Variants in TASP1 observed in about 807,000 individuals in gnomAD.
TASP1 encodes the protein threonine aspartase 1.
TASP1 carries 16 observed loss-of-function variants against 56.6 expected under a neutral mutation model. That is an observed-to-expected ratio of 0.28 (90% CI 0.19 to 0.43). The LOEUF (loss-of-function observed/expected upper bound fraction) is 0.43, where lower values mean the gene tolerates loss of function less well. Among genes scored for constraint, TASP1 ranks in the 20% least tolerant of loss-of-function variants. TASP1 has a pLI of 1.00. For missense variants in TASP1, 393 were observed against 511.6 expected (o/e 0.77, Z 2.24); for synonymous variants, 179 against 184.2 (o/e 0.97, Z 0.23).
intron 10 of TASP1, among the ~76,000 whole-genome samples, chr20:13,496,348 C>T (rs2043728397): frequency 6.6e-6 from 1 of 152,126 alleles, no homozygotes; most frequent in Non-Finnish European, 1.5e-5. Context: ...AGCCACTGCG[C>T]CCGGTCTGAT....
chr20:13,504,927 CA>C (rs1269853530), intron 10 of TASP1, among the ~76,000 whole-genome samples: 1 of 151,798 alleles, frequency 6.6e-6, no homozygotes, highest in Non-Finnish European at 1.5e-5. Flanking sequence ...AACAAAACGG[CA>C]ATAGTACATC....
intron 13 of TASP1, among the ~76,000 whole-genome samples, chr20:13,404,279 A>G (rs1446133165): frequency 6.6e-6 from 1 of 152,202 alleles, no homozygotes; most frequent in Non-Finnish European, 1.5e-5. Context: ...GTGAGGGTTT[A>G]CCCTTGGCCC....
chr20:13,290,491 T>C, the TASP1 span, among the ~76,000 whole-genome samples: 1 of 151,908 alleles, frequency 6.6e-6, no homozygotes, highest in Non-Finnish European at 1.5e-5. Context: ...CTACTAAAAA[T>C]ACAAAATATT....
At chr20:13,572,584 G>A (rs1372553475) in intron 6 of TASP1, among the ~76,000 whole-genome samples, 1 of 151,416 alleles carries the variant, frequency 6.6e-6, no homozygotes, top group Non-Finnish European at 1.5e-5. Context: ...TACTCGGGAG[G>A]CTGAGGCAGG....
intron 4 of TASP1, among the ~76,000 whole-genome samples, chr20:13,598,540 G>T (rs908974256): frequency 1.3e-5 from 2 of 152,130 alleles, no homozygotes; most frequent in Admixed American, 6.6e-5. Context: ...ATTCAAGATG[G>T]ATTAAAGACT....
intron 10 of TASP1, among the ~76,000 whole-genome samples, chr20:13,510,927 T>G (rs2044303854): frequency 6.6e-6 from 1 of 152,160 alleles, no homozygotes; most frequent in African/African-American, 2.4e-5. Context: ...AGGATACCGG[T>G]GGCCACCACC....
intron 6 of TASP1, among the ~76,000 whole-genome samples, chr20:13,580,239 G>A (rs1384572926): frequency 6.6e-6 from 1 of 152,178 alleles, no homozygotes; most frequent in East Asian, 1.9e-4. Context: ...TTGAGTCCAG[G>A]AGTTTGAGAT....
At chr20:13,475,673 T>C (rs2044699483) in intron 11 of TASP1, among the ~76,000 whole-genome samples, 1 of 152,118 alleles carries the variant, frequency 6.6e-6, no homozygotes. Flanking sequence ...GGTTGGGGGA[T>C]CACCTGAGGT....
chr20:13,146,587 A>G, the TASP1 span, among the ~76,000 whole-genome samples: 30 of 152,192 alleles, frequency 2.0e-4, no homozygotes, highest in Admixed American at 1.5e-3. Context: ...CATTCATTTT[A>G]TAAGTATTCA....
At chr20:13,534,482 TTGAG>T (rs964655530) in intron 8 of TASP1, among the ~76,000 whole-genome samples, 2 of 152,292 alleles carry the variant, frequency 1.3e-5, no homozygotes, top group African/African-American at 4.8e-5. Flanking sequence ...AAGTTCATGT[TTGAG>T]AATGTGTAGA....
chr20:13,154,939 G>A, the TASP1 span, among the ~76,000 whole-genome samples: 1 of 152,180 alleles, frequency 6.6e-6, no homozygotes, highest in Admixed American at 6.5e-5. Flanking sequence ...CCAGCACTTT[G>A]GGAGGCTGAG....
At chr20:13,223,143 C>T in the TASP1 span, among the ~76,000 whole-genome samples, 2 of 147,248 alleles carry the variant, frequency 1.4e-5, no homozygotes, top group East Asian at 2.0e-4. Context: ...GGCGACAGAG[C>T]GAGACTCCGT....
At chr20:13,307,592 C>T in the TASP1 span, among the ~76,000 whole-genome samples, 6 of 152,166 alleles carry the variant, frequency 3.9e-5, no homozygotes, top group Non-Finnish European at 7.4e-5. Flanking sequence ...CGTCCAGTAA[C>T]GGGCACTCAC....
chr20:13,176,209 C>A, the TASP1 span, among the ~76,000 whole-genome samples: 5 of 152,130 alleles, frequency 3.3e-5, no homozygotes, highest in Admixed American at 2.0e-4. Context: ...AATTTGACTT[C>A]CTCCTTTCCC....
intron 8 of TASP1, among the ~76,000 whole-genome samples, chr20:13,554,700 T>TAC (rs1444806060): frequency 6.6e-6 from 1 of 152,214 alleles, no homozygotes; most frequent in Non-Finnish European, 1.5e-5. Flanking sequence ...AAGTTATGTT[T>TAC]ACACTTTACT....
At chr20:13,348,187 T>G in the TASP1 span, among the ~76,000 whole-genome samples, 3 of 152,188 alleles carry the variant, frequency 2.0e-5, no homozygotes, top group African/African-American at 7.2e-5. Flanking sequence ...AAACCCTAGT[T>G]TTAAAGATCT....
intron 11 of TASP1, among the ~76,000 whole-genome samples, chr20:13,450,947 C>T (rs1205477432): frequency 6.6e-6 from 1 of 152,044 alleles, no homozygotes; most frequent in Admixed American, 6.6e-5. Flanking sequence ...CAGCTATAGC[C>T]TTATAAAATG....
At chr20:13,122,282 A>G in the TASP1 span, among the ~76,000 whole-genome samples, 3 of 152,242 alleles carry the variant, frequency 2.0e-5, no homozygotes, top group Admixed American at 2.0e-4. Context: ...GACATGAAAC[A>G]TTTGGAGACC....
At chr20:13,207,656 T>A in the TASP1 span, among the ~76,000 whole-genome samples, 1 of 152,156 alleles carries the variant, frequency 6.6e-6, no homozygotes, top group Non-Finnish European at 1.5e-5. Flanking sequence ...GAGAGCAAAT[T>A]CTTCCTTCGG....
Sources: gnomAD v4.1 joint callset for allele counts (sites outside exome capture counted in the v4.1 genomes callset) on GRCh38, gnomAD v4.1.1 for gene constraint, MANE v1.5 for transcripts, NCBI Gene and HGNC (gene_info 2026-07-23, HGNC 2026-07-21) for gene names.